The following GRK4 variants were observed in gnomAD, a reference collection of about 807,000 sequenced individuals.
The protein encoded by GRK4 is G protein-coupled receptor kinase 2-like.
Under a neutral mutation model 77.9 loss-of-function variants are expected in GRK4, and 73 were observed. That is an observed-to-expected ratio of 0.94 (90% CI 0.78 to 1.14). The LOEUF (loss-of-function observed/expected upper bound fraction) is 1.14. Ranked by LOEUF, GRK4 falls within the 50% of genes most tolerant of loss-of-function variation. The pLI is 0.00. For synonymous variants in GRK4, 257 were observed against 254.4 expected (o/e 1.01, Z -0.10); for missense variants, 729 against 700.2 (o/e 1.04, Z -0.46).
intron 7 of GRK4, among the ~76,000 whole-genome samples, chr4:3,011,482 TTGTA>T (rs1475203534): frequency 1.3e-4 from 20 of 152,186 alleles, no homozygotes. Context: ...ATAATTATGA[TTGTA>T]TAGATTACTT....
intron 3 of GRK4, among the ~76,000 whole-genome samples, chr4:2,989,853 C>T (rs1725587522): frequency 6.6e-6 from 1 of 152,118 alleles, no homozygotes; most frequent in African/African-American, 2.4e-5. Flanking sequence ...TTTGTGGGTA[C>T]CATTGGGAAG....
At chr4:3,024,963 C>A (rs1467346556) in intron 10 of GRK4, among the ~76,000 whole-genome samples, 1 of 152,160 alleles carries the variant, frequency 6.6e-6, no homozygotes, top group Non-Finnish European at 1.5e-5. Flanking sequence ...GGGTTGTTCA[C>A]TCAAATTAAT....
At chr4:3,001,213 ATATATATG>A (rs1184150702) in intron 4 of GRK4, among the ~76,000 whole-genome samples, 1 of 143,678 alleles carries the variant, frequency 7.0e-6, no homozygotes, top group Admixed American at 7.0e-5. Context: ...GTGTATGTGT[ATATATATG>A]TATATATGTG....
At chr4:3,019,277 C>T (rs1735419551) in intron 8 of GRK4, among the ~76,000 whole-genome samples, 1 of 152,238 alleles carries the variant, frequency 6.6e-6, no homozygotes, top group African/African-American at 2.4e-5. Flanking sequence ...CTCTCTTGCA[C>T]TGCTGGTGGG....
intron 9 of GRK4, 72 bp from the exon 10 acceptor site, chr4:3,022,342 T>C: frequency 1.4e-6 from 2 of 1,480,704 alleles, no homozygotes; most frequent in African/African-American, 1.4e-5. Context: ...ACGCTGGTTG[T>C]TCCTACTGGG....
intron 1 of GRK4, among the ~76,000 whole-genome samples, chr4:2,974,181 T>A (rs931291561): frequency 6.6e-6 from 1 of 152,224 alleles, no homozygotes; most frequent in Non-Finnish European, 1.5e-5. Context: ...CTTTATTTTT[T>A]CCCATAGCAC....
chr4:3,018,074 CTTT>C (rs1259774426), intron 8 of GRK4, among the ~76,000 whole-genome samples: 2 of 131,746 alleles, frequency 1.5e-5, no homozygotes, highest in Admixed American at 7.5e-5. Context: ...TTTTCTTTTT[CTTT>C]TTTTTTTTTT....
rs138734410 is a variant in GRK4 at position 3,002,963 on chromosome 4, T to A, written c.340-1268T>A. ...ACATGAAGGTTACCAACGTCAGCAT[T>A]TGTAAGTGTGCACTTCAGTAGTGTT... On this transcript the variant is annotated intron_variant, in intron 4 of 15. Coordinates refer to ENST00000398052, the MANE Select transcript of GRK4 (RefSeq NM_182982.3). Among the ~76,000 whole-genome samples the A allele has an allele frequency of 2.6e-5, 4 of 152,320 alleles. No individual in the cohort carries two copies. The East Asian group carries it at 7.7e-4, about 29-fold the overall frequency.
chr4:3,032,170 AAC>A (rs1316468115), intron 12 of GRK4, among the ~76,000 whole-genome samples: 1 of 152,152 alleles, frequency 6.6e-6, no homozygotes, highest in Non-Finnish European at 1.5e-5. Flanking sequence ...GCCTAAAACA[AAC>A]AGAAATGACT....
chr4:3,031,161 G>A (rs945212279), intron 12 of GRK4, among the ~76,000 whole-genome samples: 5 of 152,196 alleles, frequency 3.3e-5, no homozygotes, highest in Non-Finnish European at 7.3e-5. Flanking sequence ...AGCAGCCAGC[G>A]CACGGGGAGT....
chr4:3,035,384 A>T lies in GRK4; in HGVS notation c.1270-2A>T. ...AGTGGGTTGCATTTCTGCCTCTTGC[A>T]GTTACTCACCAAGAATCCAAGCAAG... is the stretch of plus-strand genomic sequence containing the variant. On this transcript the variant is annotated splice_acceptor_variant, in intron 12 of 15. Coordinates refer to ENST00000398052, the MANE Select transcript of GRK4 (RefSeq NM_182982.3). LOFTEE classifies it high-confidence loss of function. 1.2e-6 allele frequency: 2 copies of T among 1,613,820 alleles called. No individual in the cohort carries two copies. The highest frequency in any genetic ancestry group is 1.7e-6 in the Non-Finnish European group (2 of 1,179,930).
At chr4:2,992,868 C>T (rs1480663799) in intron 4 of GRK4, among the ~76,000 whole-genome samples, 1 of 151,958 alleles carries the variant, frequency 6.6e-6, no homozygotes, top group Non-Finnish European at 1.5e-5. Flanking sequence ...CCTGTGTTCT[C>T]AGCTACTTGG....
At chr4:3,009,798 C>G in intron 7 of GRK4, 87 bp downstream of exon 7, 1 of 911,618 alleles carries the variant, frequency 1.1e-6, no homozygotes, top group Admixed American at 1.8e-5. Flanking sequence ...AATGCATCAG[C>G]TCTCCCAGTA....
intron 1 of GRK4, among the ~76,000 whole-genome samples, chr4:2,983,409 T>G (rs1055877178): frequency 1.3e-5 from 2 of 152,254 alleles, no homozygotes; most frequent in African/African-American, 4.8e-5. Flanking sequence ...TTGAAGATGC[T>G]CATTTCTCTG....
At chr4:2,980,170 T>C (rs891474911) in intron 1 of GRK4, among the ~76,000 whole-genome samples, 3 of 152,196 alleles carry the variant, frequency 2.0e-5, no homozygotes, top group African/African-American at 7.2e-5. Flanking sequence ...ACACTGGACA[T>C]GGACAGCAGA....
intron 14 of GRK4, among the ~76,000 whole-genome samples, chr4:3,037,716 A>T (rs1295300244): frequency 1.3e-5 from 2 of 152,064 alleles, no homozygotes; most frequent in African/African-American, 4.8e-5. Context: ...GGAGTTCGAG[A>T]CCAGCCTGGC....
chr4:2,980,982 G>A (rs1272020016), intron 1 of GRK4, among the ~76,000 whole-genome samples: 1 of 152,240 alleles, frequency 6.6e-6, no homozygotes, highest in Non-Finnish European at 1.5e-5. Context: ...AGCCAGGCAT[G>A]CCAGCTGTGG....
chr4:2,980,688 G>A (rs1207516545), intron 1 of GRK4, among the ~76,000 whole-genome samples: 5 of 152,072 alleles, frequency 3.3e-5, no homozygotes, highest in Non-Finnish European at 5.9e-5. Context: ...CTACCCCACC[G>A]TCAGTGCCAC....
intron 4 of GRK4, among the ~76,000 whole-genome samples, chr4:3,003,461 G>C (rs1314287598): frequency 6.6e-6 from 1 of 152,092 alleles, no homozygotes; most frequent in Non-Finnish European, 1.5e-5. Flanking sequence ...AAAGTGCTGG[G>C]ATTACAGGGG....
Sources: allele counts gnomAD v4.1 joint callset (sites outside exome capture counted in the v4.1 genomes callset), GRCh38; gene constraint gnomAD v4.1.1; transcripts MANE v1.5; gene names NCBI Gene and HGNC (gene_info 2026-07-23, HGNC 2026-07-21).